SCN8A: variants seen among roughly 807,000 people sequenced by gnomAD.
SCN8A encodes sodium channel protein type 8 subunit alpha.
Under a neutral mutation model 184.1 loss-of-function variants are expected in SCN8A, and 30 were observed. That is an observed-to-expected ratio of 0.16 (90% CI 0.12 to 0.22). The LOEUF is 0.22. Among genes scored for constraint, SCN8A ranks in the 10% least tolerant of loss-of-function variants. The probability of loss-of-function intolerance (pLI) is 1.00; values close to 1 mark genes in which losing one functional copy is unlikely to be tolerated. For synonymous variants in SCN8A, 852 were observed against 907.0 expected (o/e 0.94, Z 1.09); for missense variants, 1,057 against 2,498.9 (o/e 0.42, Z 12.30).
intron 6 of SCN8A, among the ~76,000 whole-genome samples, chr12:51,695,128 A>G (rs936306295): frequency 6.6e-6 from 1 of 151,910 alleles, no homozygotes; most frequent in Non-Finnish European, 1.5e-5. Flanking sequence ...GGTGATCTGG[A>G]TGGGAATCTT....
intron 14 of SCN8A, 72 bp downstream of exon 14, chr12:51,751,665 C>T: frequency 8.7e-7 from 1 of 1,152,948 alleles, no homozygotes. Flanking sequence ...TTTTCTGGTA[C>T]TGAAAGCTGG....
intron 1 of SCN8A, among the ~76,000 whole-genome samples, chr12:51,651,406 T>C (rs935590325): frequency 3.3e-5 from 5 of 152,228 alleles, no homozygotes; most frequent in African/African-American, 1.2e-4. Context: ...GGTTTCTCTA[T>C]GTTGGCCAGG....
chr12:51,783,305 G>T (rs1460017108), intron 21 of SCN8A, among the ~76,000 whole-genome samples: 2 of 152,136 alleles, frequency 1.3e-5, no homozygotes, highest in African/African-American at 4.8e-5. Context: ...TTTCTATGGG[G>T]CATTTTTTTT....
chr12:51,633,147 G>A (rs893927377), intron 1 of SCN8A, among the ~76,000 whole-genome samples: 6 of 152,224 alleles, frequency 3.9e-5, no homozygotes, highest in Non-Finnish European at 8.8e-5. Flanking sequence ...AGGGTGCTGA[G>A]GGGAGGAGGG....
intron 1 of SCN8A, among the ~76,000 whole-genome samples, chr12:51,625,650 A>G (rs757192631): frequency 6.6e-6 from 1 of 152,214 alleles, no homozygotes; most frequent in Non-Finnish European, 1.5e-5. Flanking sequence ...GACAGAGGGA[A>G]TAATTAAACA....
intron 2 of SCN8A, among the ~76,000 whole-genome samples, chr12:51,674,234 C>T (rs534822493): frequency 4.6e-5 from 7 of 152,342 alleles, no homozygotes; most frequent in African/African-American, 1.7e-4. Flanking sequence ...TGCAGCCTTG[C>T]TCTGGATTCT....
In SCN8A at chr12:51,721,783, C is replaced by T. The variant is rs912580884; in HGVS notation, c.1873C>T (p.Arg625Cys). Residue 625 changes from arginine to cysteine, a missense_variant, in exon 12 of 27, where the codon CGC (arginine) becomes TGC (cysteine). Coordinates refer to ENST00000627620, the MANE Select transcript of SCN8A (RefSeq NM_001330260.2). ...SGYSGYSQGS[R>C]SSRIFPSLRR... ...CTACAGCGGCTACAGCCAGGGCAGC[C>T]GCTCCTCGCGCATCTTCCCCAGCCT... is the stretch of plus-strand genomic sequence containing the variant. 1.2e-6 allele frequency: 2 copies of T among 1,610,380 alleles called. No individual in the cohort carries two copies. Among genetic ancestry groups the T allele is most frequent in the African/African-American group, 1.3e-5 (1 of 75,042 alleles).
chr12:51,681,006 AAAT>A (rs953949414), intron 2 of SCN8A, among the ~76,000 whole-genome samples: 26 of 151,924 alleles, frequency 1.7e-4, no homozygotes, highest in African/African-American at 5.6e-4. Context: ...CTCTGTCTCA[AAAT>A]AATAATAATA....
chr12:51,721,849 G>C lies in SCN8A; in HGVS notation c.1939G>C (p.Gly647Arg). 6.2e-7 allele frequency: 1 copy of C among 1,604,180 alleles called. No individual in the cohort carries two copies. The highest frequency in any genetic ancestry group is 8.5e-7 in the Non-Finnish European group (1 of 1,179,808). The change falls in exon 12 of 27, where the codon GGC (glycine) becomes CGC (arginine). Residue 647 changes from glycine (G) to arginine (R), a missense_variant. Gly to Arg is a moderately radical substitution (Grantham distance 125). This residue lies in a region of SCN8A where 322 missense variants were observed against 390.1 expected (regional missense o/e 0.83). Transcript: ENST00000627620. Reference protein sequence around the residue: ...VKRNSTVDCNGVVSLIGGPGS... With the variant: ...VKRNSTVDCNRVVSLIGGPGS... ...GCGCAACAGCACGGTGGACTGCAACGGCGTGGTGTCCCTCATCGGCGGCCC... is the reference window on the plus strand; with the variant it reads ...GCGCAACAGCACGGTGGACTGCAACCGCGTGGTGTCCCTCATCGGCGGCCC...
intron 16 of SCN8A, among the ~76,000 whole-genome samples, chr12:51,768,463 CCT>C (rs1196297729): frequency 6.6e-6 from 1 of 151,894 alleles, no homozygotes; most frequent in Non-Finnish European, 1.5e-5. Flanking sequence ...TGACGTGGGT[CCT>C]CTCAAACTCT....
At chr12:51,598,171 T>C (rs1423390488) in intron 1 of SCN8A, among the ~76,000 whole-genome samples, 1 of 152,048 alleles carries the variant, frequency 6.6e-6, no homozygotes, top group Non-Finnish European at 1.5e-5. Flanking sequence ...GGGAAGAAAG[T>C]GTTTGGAGTG....
chr12:51,761,171 C>T (rs946315779), intron 14 of SCN8A, among the ~76,000 whole-genome samples: 1 of 151,920 alleles, frequency 6.6e-6, no homozygotes. Flanking sequence ...TTGTCAAAAC[C>T]GGCATTCATG....
chr12:51,662,021 T>C (rs1008296585), intron 1 of SCN8A, among the ~76,000 whole-genome samples: 4 of 152,240 alleles, frequency 2.6e-5, no homozygotes, highest in African/African-American at 9.6e-5. Context: ...CTGCTGCTGC[T>C]CTGCCTGCAG....
chr12:51,751,527 G>A lies in SCN8A; in HGVS notation c.2304G>A (p.Leu768=). The A allele has an allele frequency of 6.2e-7, 1 of 1,613,898 alleles. No homozygotes were observed. Among genetic ancestry groups the A allele is most frequent in the Admixed American group, 1.7e-5 (1 of 60,002 alleles). The change falls in exon 14 of 27, where the codon CTG becomes CTA. Residue 768 remains leucine, a synonymous_variant. Transcript: ENST00000627620. ...AITICIVLNT[L]FMAMEHHPMT... is the part of the protein sequence containing the mutation. Reference sequence around the variant, plus strand: ...CCATCTGCATCGTCCTGAATACACTGTTTATGGCAATGGAGCACCATCCTA... The same window carrying A: ...CCATCTGCATCGTCCTGAATACACTATTTATGGCAATGGAGCACCATCCTA...
chr12:51,594,605 G>C (rs1939303575), intron 1 of SCN8A, among the ~76,000 whole-genome samples: 1 of 152,060 alleles, frequency 6.6e-6, no homozygotes, highest in Non-Finnish European at 1.5e-5. Context: ...TATAGAAAGC[G>C]TTAAAAATCC....
intron 11 of SCN8A, among the ~76,000 whole-genome samples, chr12:51,707,528 G>A (rs756716695): frequency 1.3e-5 from 2 of 151,980 alleles, no homozygotes; most frequent in Admixed American, 6.6e-5. Context: ...TTTTCTGCCC[G>A]CTTTATTTTC....
chr12:51,778,158 G>A (rs1416429158), intron 20 of SCN8A, among the ~76,000 whole-genome samples: 2 of 152,180 alleles, frequency 1.3e-5, no homozygotes, highest in Non-Finnish European at 2.9e-5. Flanking sequence ...AATTAGGGTA[G>A]CCTAATAGGG....
chr12:51,774,079 G>C lies in SCN8A; in HGVS notation c.3646-110G>C, dbSNP rs530583007. On this transcript the variant is annotated intron_variant, in intron 19 of 26. Coordinates refer to ENST00000627620, the MANE Select transcript of SCN8A (RefSeq NM_001330260.2). ...CGGGGAGTAAAGCGAAGGAGACAGG[G>C]AGCTGATGACAGGCCAGCCCATGTG... 5.1e-6 allele frequency: 4 copies of C among 785,170 alleles called. No homozygotes were observed. In the Admixed American group the frequency reaches 1.1e-4, roughly 22 times the overall value. The allele number at this position is 785,170 out of a possible 1,614,324, so 48.6% of individuals were successfully genotyped here.
At chr12:51,757,269 C>A (rs965115564) in intron 14 of SCN8A, among the ~76,000 whole-genome samples, 17 of 152,088 alleles carry the variant, frequency 1.1e-4, no homozygotes, top group African/African-American at 4.1e-4. Context: ...TACTTACATT[C>A]TGGCGACTGA....
Sources: gnomAD v4.1 joint callset for allele counts (sites outside exome capture counted in the v4.1 genomes callset) on GRCh38, gnomAD v4.1.1 for gene constraint, gnomAD v4.1.1 regional missense constraint, MANE v1.5 for transcripts, NCBI Gene and HGNC (gene_info 2026-07-23, HGNC 2026-07-21) for gene names.